IFFO2: variants seen among roughly 807,000 people sequenced by gnomAD.
The protein encoded by IFFO2 is intermediate filament family orphan 2.
IFFO2 carries 19 observed loss-of-function variants against 53.5 expected under a neutral mutation model. The observed-to-expected ratio is 0.36, with a 90% CI of 0.25 to 0.52. IFFO2 has a LOEUF of 0.52. IFFO2 is among the 20% of genes least tolerant of loss of function. IFFO2 has a pLI of 0.94. For missense variants in IFFO2, 570 were observed against 727.4 expected (o/e 0.78, Z 2.49); for synonymous variants, 303 against 313.6 (o/e 0.97, Z 0.36).
At chr1:18,925,129 T>C (rs1936265120) in intron 1 of IFFO2, among the ~76,000 whole-genome samples, 1 of 152,086 alleles carries the variant, frequency 6.6e-6, no homozygotes, top group Non-Finnish European at 1.5e-5. Context: ...TTCTCGGTGG[T>C]ATCCACCACA....
chr1:18,935,887 T>TTTG (rs1936442525), intron 1 of IFFO2, among the ~76,000 whole-genome samples: 1 of 133,098 alleles, frequency 7.5e-6, no homozygotes, highest in Admixed American at 7.2e-5. Context: ...TTTTTTTTTT[T>TTTG]GTAGAGACAA....
chr1:18,924,914 C>T (rs1936261286), intron 1 of IFFO2, among the ~76,000 whole-genome samples: 2 of 152,208 alleles, frequency 1.3e-5, no homozygotes. Context: ...TCATACTGCA[C>T]ATGCACTGGG....
At chr1:18,955,582 C>G in intron 1 of IFFO2, 86 bp downstream of exon 1, 1 of 1,460,952 alleles carries the variant, frequency 6.8e-7, no homozygotes, top group Non-Finnish European at 9.0e-7. Context: ...AGCTGCCCGC[C>G]CGGCCCCCGT....
At position 18,950,011 on chromosome 1, in the gene IFFO2, G is replaced by A. The variant is rs117470401; in HGVS notation, c.665+5657C>T. ...AGAATCGCTCCCAAATTTGTCCCCAGTGAGAATGCCAACCCAGCCAAGGGA... is the reference window on the plus strand; with the variant it reads ...AGAATCGCTCCCAAATTTGTCCCCAATGAGAATGCCAACCCAGCCAAGGGA... On this transcript the variant is annotated intron_variant, in intron 1 of 8. Coordinates refer to ENST00000455833, the MANE Select transcript of IFFO2 (RefSeq NM_001136265.2). Among the ~76,000 whole-genome samples, 875 of 152,344 alleles carry A rather than the reference G, an allele frequency of 5.7e-3. 11 individuals carry two copies. The highest frequency in any genetic ancestry group is 0.017 in the African/African-American group (689 of 41,580).
intron 1 of IFFO2, among the ~76,000 whole-genome samples, chr1:18,943,271 C>T (rs1024592482): frequency 2.0e-5 from 3 of 151,868 alleles, no homozygotes; most frequent in Non-Finnish European, 2.9e-5. Flanking sequence ...CCTAGCTCCT[C>T]GGGAGGCTGA....
chr1:18,949,725 T>C (rs2148191624), intron 1 of IFFO2, among the ~76,000 whole-genome samples: 2 of 152,368 alleles, frequency 1.3e-5, no homozygotes, highest in East Asian at 3.9e-4. Context: ...TGTGGGGACG[T>C]GGGCCACAGG....
chr1:18,938,354 G>C (rs1276140828), intron 1 of IFFO2, among the ~76,000 whole-genome samples: 3 of 152,220 alleles, frequency 2.0e-5, no homozygotes, highest in Admixed American at 1.3e-4. Flanking sequence ...GGCTGGGAGG[G>C]AGGCTACTGG....
At chr1:18,934,370 C>G (rs1936418767) in intron 1 of IFFO2, among the ~76,000 whole-genome samples, 1 of 152,210 alleles carries the variant, frequency 6.6e-6, no homozygotes, top group South Asian at 2.1e-4. Flanking sequence ...CCGCGCCCAG[C>G]CTGGCTGATT....
intron 2 of IFFO2, 150 bp downstream of exon 2, chr1:18,920,911 T>C (rs1936207194): frequency 5.9e-6 from 4 of 675,436 alleles, no homozygotes; most frequent in Non-Finnish European, 1.1e-5. Flanking sequence ...AGGGATCTCT[T>C]GGCTCCATAA....
Position 18,911,972 on chromosome 1 carries a change from C to A in IFFO2, c.1215G>T (p.Leu405=). Residue 405 remains leucine (L), a synonymous_variant, in exon 6 of 9, where the codon CTG becomes CTT. Coordinates refer to ENST00000455833, the MANE Select transcript of IFFO2 (RefSeq NM_001136265.2). The part of the protein sequence containing the change: ...DFTNCNPTID[L]QGEQEENLGN... ...CAGGCGCTGGGCTTACCTCGCCCTGCAGGTCGATGGTCGGATTGCAGTTGG... is the reference window on the plus strand; with the variant it reads ...CAGGCGCTGGGCTTACCTCGCCCTGAAGGTCGATGGTCGGATTGCAGTTGG... 1.3e-6 allele frequency: 2 copies of A among 1,551,712 alleles called. No individual in the cohort carries two copies. The highest frequency in any genetic ancestry group is 1.7e-6 in the Non-Finnish European group (2 of 1,146,988).
rs1206101498 is a variant in IFFO2, at chr1:18,947,670, C to G, written c.665+7998G>C. ...ACTCCTCCCCTGCCAGCCCTGCCAG[C>G]CCCCATTGAGACCTTCTCCAAAGAG... On this transcript the variant is annotated intron_variant, in intron 1 of 8. Transcript: ENST00000455833. The surrounding 1 kb of genome is among the most constrained non-coding windows in gnomAD (Gnocchi z 5.0). Among the ~76,000 whole-genome samples the G allele has an allele frequency of 6.6e-6, 1 of 152,186 alleles. No individual in the cohort carries two copies. The highest frequency in any genetic ancestry group is 1.5e-5 in the Non-Finnish European group (1 of 68,026).
At chr1:18,937,352 A>G (rs541805979) in intron 1 of IFFO2, among the ~76,000 whole-genome samples, 23 of 152,336 alleles carry the variant, frequency 1.5e-4, no homozygotes, top group Non-Finnish European at 3.2e-4. Context: ...CACGCGCACC[A>G]AAAGAATTAG....
In IFFO2 at chr1:18,928,348, AT is replaced by A. The variant is rs1936330627; in HGVS notation, c.666-7228del. On this transcript the variant is annotated intron_variant, in intron 1 of 8. Coordinates refer to ENST00000455833, the MANE Select transcript of IFFO2 (RefSeq NM_001136265.2). The surrounding 1 kb of genome is among the most constrained non-coding windows in gnomAD (Gnocchi z 4.9). ...CTCCAGCTCTCGGAAGGAAAGACAA[AT>A]TAAATGCCAACTGATTGTCTCCACG... is the stretch of plus-strand genomic sequence containing the variant. Among the ~76,000 whole-genome samples, 1 of 152,218 alleles carries A rather than the reference AT, an allele frequency of 6.6e-6. No individual in the cohort carries two copies. Among genetic ancestry groups the A allele is most frequent in the Admixed American group, 6.5e-5 (1 of 15,288 alleles).
At position 18,917,991 on chromosome 1, in the gene IFFO2, T is replaced by C. The variant is rs1936160445; in HGVS notation, c.963+371A>G. Among the ~76,000 whole-genome samples the C allele has an allele frequency of 6.6e-6, 1 of 152,158 alleles. No homozygotes were observed. The highest frequency in any genetic ancestry group is 1.5e-5 in the Non-Finnish European group (1 of 68,018). ...GGCCAGGGTTCCCCAACCGTGGGGA[T>C]GATGCCCAGTTCTGGCACCCAGAGG... On this transcript the variant is annotated intron_variant, in intron 4 of 8. Coordinates refer to ENST00000455833, the MANE Select transcript of IFFO2 (RefSeq NM_001136265.2). The surrounding 1 kb of genome is among the most constrained non-coding windows in gnomAD (Gnocchi z 5.9).
At chr1:18,953,514 A>C (rs1029721059) in intron 1 of IFFO2, among the ~76,000 whole-genome samples, 3 of 152,110 alleles carry the variant, frequency 2.0e-5, no homozygotes, top group African/African-American at 7.2e-5. Context: ...TATTCAAGGA[A>C]ACCCTAAAGC....
chr1:18,930,117 A>G (rs1007261809), intron 1 of IFFO2, among the ~76,000 whole-genome samples: 1 of 152,186 alleles, frequency 6.6e-6, no homozygotes, highest in Non-Finnish European at 1.5e-5. Context: ...TGAGCAAGCT[A>G]TGACCCTCTC....
chr1:18,945,856 C>T (rs1387444251), intron 1 of IFFO2, among the ~76,000 whole-genome samples: 2 of 152,256 alleles, frequency 1.3e-5, no homozygotes, highest in Non-Finnish European at 2.9e-5. Context: ...CGCAACATGA[C>T]CATTCCCATT....
rs1192647068 is a variant in IFFO2 at position 18,908,219 on chromosome 1, C to G, written c.*342G>C. On this transcript the variant is annotated 3_prime_UTR_variant, in exon 9 of 9. Coordinates refer to ENST00000455833, the MANE Select transcript of IFFO2 (RefSeq NM_001136265.2). ...CAGCTTAGAGTTCTGTATAAAAACA[C>G]CTGCTAGGAATAATTCTTTGGAGCT... is the stretch of plus-strand genomic sequence containing the variant. The G allele has an allele frequency of 3.4e-6, 1 of 290,594 alleles. No individual in the cohort carries two copies. Among genetic ancestry groups the G allele is most frequent in the Non-Finnish European group, 6.9e-6 (1 of 145,604 alleles). 18.0% of individuals were successfully genotyped at this position (290,594 alleles called of 1,614,324 possible). A position where few individuals can be genotyped will look rare whatever the true frequency, so the allele number is the denominator to read the frequency against.
chr1:18,904,496 G>A lies in IFFO2; in HGVS notation c.*4065C>T, dbSNP rs1935916921. ...TGGGGTATAAAGTCTCCCTGGGTGGGGCTAAAAATCAGGTAGATGCAAAAA... is the reference window on the plus strand; with the variant it reads ...TGGGGTATAAAGTCTCCCTGGGTGGAGCTAAAAATCAGGTAGATGCAAAAA... On this transcript the variant is annotated 3_prime_UTR_variant, in exon 9 of 9. Coordinates refer to ENST00000455833, the MANE Select transcript of IFFO2 (RefSeq NM_001136265.2). 3 of 152,118 alleles carry A rather than the reference G, an allele frequency of 2.0e-5. No homozygotes were observed. The highest frequency in any genetic ancestry group is 7.2e-5 in the African/African-American group (3 of 41,400). 9.4% of individuals were successfully genotyped at this position (152,118 alleles called of 1,614,324 possible). A position where few individuals can be genotyped will look rare whatever the true frequency, so the allele number is the denominator to read the frequency against.
Sources: gnomAD v4.1 joint callset for allele counts (sites outside exome capture counted in the v4.1 genomes callset) on GRCh38, gnomAD v4.1.1 for gene constraint, Gnocchi (gnomAD v3.1) non-coding constraint, MANE v1.5 for transcripts, NCBI Gene and HGNC (gene_info 2026-07-23, HGNC 2026-07-21) for gene names.